The following RIMS1 variants were observed in gnomAD, a reference collection of about 807,000 sequenced individuals.
RIMS1 encodes the protein regulating synaptic membrane exocytosis 1.
Under a neutral mutation model 214.1 loss-of-function variants are expected in RIMS1, and 83 were observed. That is an observed-to-expected ratio of 0.39 (90% confidence interval 0.32 to 0.47). The LOEUF is 0.47. Ranked by LOEUF, RIMS1 falls within the 20% of genes least tolerant of loss-of-function variation. The pLI, the probability that RIMS1 is intolerant of heterozygous loss-of-function variation, is 0.99. For synonymous variants in RIMS1, 793 were observed against 786.8 expected (o/e 1.01, Z -0.13); for missense variants, 2,050 against 2,161.8 (o/e 0.95, Z 1.03).
intron 29 of RIMS1, among the ~76,000 whole-genome samples, chr6:72,380,164 G>A (rs767035125): frequency 2.0e-5 from 3 of 152,034 alleles, no homozygotes; most frequent in African/African-American, 4.8e-5. Context: ...ACCAAACACC[G>A]CATGTTCTCA....
intron 2 of RIMS1, among the ~76,000 whole-genome samples, chr6:72,026,464 C>CA (rs1343410792): frequency 1.4e-5 from 2 of 143,070 alleles, no homozygotes; most frequent in Non-Finnish European, 3.1e-5. Context: ...CGCCCCCCCC[C>CA]CCAACTTTTT....
intron 6 of RIMS1, among the ~76,000 whole-genome samples, chr6:72,193,017 T>G (rs1460994681): frequency 6.6e-6 from 1 of 152,240 alleles, no homozygotes; most frequent in Admixed American, 6.5e-5. Context: ...AATATGTATA[T>G]TCTCCCATTC....
chr6:72,275,829 A>T (rs955970535), intron 23 of RIMS1, among the ~76,000 whole-genome samples: 4 of 152,174 alleles, frequency 2.6e-5, no homozygotes, highest in Non-Finnish European at 4.4e-5. Flanking sequence ...CCTACTATGC[A>T]CCCTATCCAA....
rs10642216 is a variant in RIMS1 at position 71,933,682 on chromosome 6, T to TCACACACACACA, written c.165-35276_165-35265dup. On this transcript the variant is annotated intron_variant, in intron 1 of 33. Transcript: ENST00000521978. ...TAAATGTCTATCAGCTCTTCCTCAA[T>TCACACACACACA]CACACACACACACACACACACACAC... is the stretch of plus-strand genomic sequence containing the variant. 3.6e-3 allele frequency among the ~76,000 whole-genome samples: 503 copies of TCACACACACACA among 139,298 alleles called. 2 individuals carry two copies. Among genetic ancestry groups the TCACACACACACA allele is most frequent in the Non-Finnish European group, 5.1e-3 (328 of 64,558 alleles). The allele number at this position is 139,298 out of a possible 152,430, so 91.4% of individuals were successfully genotyped here.
chr6:72,121,027 C>T (rs907721600), intron 4 of RIMS1, among the ~76,000 whole-genome samples: 1 of 151,720 alleles, frequency 6.6e-6, no homozygotes, highest in African/African-American at 2.4e-5. Context: ...TGTTTTTGTA[C>T]CAGTAGCATG....
At chr6:71,974,541 A>C (rs1796681508) in intron 2 of RIMS1, among the ~76,000 whole-genome samples, 1 of 152,198 alleles carries the variant, frequency 6.6e-6, no homozygotes, top group Admixed American at 6.5e-5. Context: ...GCTACTCTTC[A>C]GTCTCAGGCA....
chr6:72,222,697 C>T (rs994038257), intron 6 of RIMS1, among the ~76,000 whole-genome samples: 43 of 152,244 alleles, frequency 2.8e-4, no homozygotes, highest in African/African-American at 9.9e-4. Context: ...AAGTTTATCT[C>T]ATCAGAATTA....
chr6:72,003,610 CTGTG>C lies in RIMS1; in HGVS notation c.245+34563_245+34566del, dbSNP rs145370139. Reference sequence around the variant, plus strand: ...TACAATTTTGCTTGCAGGTGTGTGTCTGTGTGTGTGTGTGTGTGTCTGTGTGTCT... The same window carrying C: ...TACAATTTTGCTTGCAGGTGTGTGTCTGTGTGTGTGTGTGTCTGTGTGTCT... On this transcript the variant is annotated intron_variant, in intron 2 of 33. Transcript: ENST00000521978. Among the ~76,000 whole-genome samples the C allele has an allele frequency of 1.6e-4, 24 of 149,176 alleles. 1 individual carries two copies. Among genetic ancestry groups the C allele is most frequent in the South Asian group, 1.1e-3 (5 of 4,680 alleles).
At chr6:72,235,174 A>G (rs2063522305) in intron 7 of RIMS1, among the ~76,000 whole-genome samples, 1 of 152,046 alleles carries the variant, frequency 6.6e-6, no homozygotes, top group African/African-American at 2.4e-5. Context: ...TAGCATATCC[A>G]TCATCTCAAA....
rs148922456 is a variant in RIMS1 at position 71,920,876 on chromosome 6, A to C, written c.164+33689A>C. On this transcript the variant is annotated intron_variant, in intron 1 of 33. Transcript: ENST00000521978. ...GTACCCACTGTTAATTAAACAAACC[A>C]ACAAATAAGGTGTTGTAATATTTTT... Among the ~76,000 whole-genome samples, 8 of 152,376 alleles carry C rather than the reference A, an allele frequency of 5.3e-5. No individual in the cohort carries two copies. The East Asian group carries it at 1.5e-3, about 29-fold the overall frequency.
At chr6:72,226,229 A>G (rs2060138363) in intron 6 of RIMS1, among the ~76,000 whole-genome samples, 1 of 152,124 alleles carries the variant, frequency 6.6e-6, no homozygotes, top group Non-Finnish European at 1.5e-5. Flanking sequence ...AGGCCAATGT[A>G]GAGGTAAGAA....
chr6:72,050,775 T>G (rs182087868), intron 2 of RIMS1, among the ~76,000 whole-genome samples: 2 of 152,186 alleles, frequency 1.3e-5, no homozygotes, highest in Admixed American at 6.5e-5. Flanking sequence ...TTCGTAAGGT[T>G]TATGTGGTAG....
intron 4 of RIMS1, among the ~76,000 whole-genome samples, chr6:72,161,830 A>C (rs1466139475): frequency 1.4e-5 from 2 of 140,520 alleles, no homozygotes; most frequent in East Asian, 2.0e-4. Context: ...CTTTGGAATA[A>C]GTGTGATGTG....
intron 29 of RIMS1, among the ~76,000 whole-genome samples, chr6:72,345,847 A>AT (rs1312448871): frequency 6.6e-6 from 1 of 151,694 alleles, no homozygotes; most frequent in Non-Finnish European, 1.5e-5. Context: ...TGATGTTACC[A>AT]TTTACTAAGA....
intron 29 of RIMS1, among the ~76,000 whole-genome samples, chr6:72,361,456 A>G (rs555673747): frequency 6.6e-6 from 1 of 152,204 alleles, no homozygotes; most frequent in South Asian, 2.1e-4. Flanking sequence ...CACAAATTTT[A>G]TATCTTATTC....
At chr6:72,017,674 T>C (rs1813222111) in intron 2 of RIMS1, among the ~76,000 whole-genome samples, 2 of 151,994 alleles carry the variant, frequency 1.3e-5, no homozygotes, top group Non-Finnish European at 2.9e-5. Context: ...TAAGGAAGAG[T>C]CATGATAAAT....
chr6:72,229,807 A>C (rs1201456067), intron 6 of RIMS1, among the ~76,000 whole-genome samples: 1 of 151,848 alleles, frequency 6.6e-6, no homozygotes, highest in Admixed American at 6.6e-5. Context: ...ATCCCTGTAA[A>C]ATATTAAAAT....
chr6:72,230,340 T>C (rs767375836), intron 6 of RIMS1, among the ~76,000 whole-genome samples: 5 of 151,696 alleles, frequency 3.3e-5, no homozygotes, highest in Non-Finnish European at 5.9e-5. Context: ...AGTTCAAATT[T>C]TCTAATACTT....
intron 25 of RIMS1, 105 bp downstream of exon 25, chr6:72,290,966 A>G (rs1319705299): frequency 2.1e-6 from 2 of 968,668 alleles, no homozygotes; most frequent in Non-Finnish European, 3.1e-6. Flanking sequence ...TTGACACCAT[A>G]ACTTTTAATC....
Sources: allele counts gnomAD v4.1 joint callset (sites outside exome capture counted in the v4.1 genomes callset), GRCh38; gene constraint gnomAD v4.1.1; transcripts MANE v1.5; gene names NCBI Gene and HGNC (gene_info 2026-07-23, HGNC 2026-07-21).